Variants in ANKS1B observed in about 807,000 individuals in gnomAD.
The protein encoded by ANKS1B is ankyrin repeat and sterile alpha motif domain-containing protein 1B.
ANKS1B carries 36 observed loss-of-function variants against 148.3 expected under a neutral mutation model. That is an observed-to-expected ratio of 0.24 (90% CI 0.19 to 0.32). The LOEUF is 0.32. Among genes scored for constraint, ANKS1B ranks in the 10% least tolerant of loss-of-function variants. The pLI is 1.00. For missense variants in ANKS1B, 1,157 were observed against 1,542.6 expected, an observed-to-expected ratio of 0.75 and a Z score of 4.19; for synonymous variants, 542 against 560.8, an observed-to-expected ratio of 0.97 and a Z score of 0.47.
intron 1 of ANKS1B, among the ~76,000 whole-genome samples, chr12:99,967,678 G>A (rs2095502166): frequency 6.6e-6 from 1 of 151,790 alleles, no homozygotes; most frequent in Non-Finnish European, 1.5e-5. Context: ...GGAGGCTGAG[G>A]CGGGCGGATC....
At chr12:98,891,670 A>G (rs2099753001) in intron 17 of ANKS1B, among the ~76,000 whole-genome samples, 1 of 152,216 alleles carries the variant, frequency 6.6e-6, no homozygotes, top group Non-Finnish European at 1.5e-5. Flanking sequence ...TAAGGCAACC[A>G]AATACATATA....
Position 98,749,533 on chromosome 12 carries a change from T to C in ANKS1B, c.3747+1822A>G, listed in dbSNP as rs187700351. On this transcript the variant is annotated intron_variant, in intron 26 of 26. Transcript: ENST00000683438. ...AAGGTGACTGGGTATCTATGTCAGA[T>C]TGGGTGGTTAGGACATCCGCCTCTT... Among the ~76,000 whole-genome samples, 556 of 152,156 alleles carry C rather than the reference T, an allele frequency of 3.7e-3. 2 individuals are homozygous for C. The highest frequency in any genetic ancestry group is 0.012 in the African/African-American group (502 of 41,502).
intron 12 of ANKS1B, among the ~76,000 whole-genome samples, chr12:99,293,831 G>A (rs55674207): frequency 0.32 from 47,933 of 152,060 alleles, 8,899 homozygotes; most frequent in African/African-American, 0.52. Flanking sequence ...CTATAGGATA[G>A]AAACCTAATA....
rs2093366301 is a variant in ANKS1B, at chr12:99,375,803, G to T, written c.1756+23828C>A. 1.3e-5 allele frequency among the ~76,000 whole-genome samples: 2 copies of T among 152,084 alleles called. 1 individual carries two copies. Among genetic ancestry groups the T allele is most frequent in the Middle Eastern group, 6.3e-3 (2 of 316 alleles). ...TTGCTTTCCATACATAACTGTTGAG[G>T]AAATGTACTAACACAGACGAGATCA... On this transcript the variant is annotated intron_variant, in intron 12 of 26. Transcript: ENST00000683438.
chr12:98,964,918 A>ATTTGTT (rs1316529227), intron 17 of ANKS1B, among the ~76,000 whole-genome samples: 2 of 152,218 alleles, frequency 1.3e-5, no homozygotes, highest in East Asian at 3.8e-4. Context: ...TTGATAGCAC[A>ATTTGTT]ACAGGTTAAC....
At chr12:99,408,053 C>T (rs1252106228) in intron 11 of ANKS1B, among the ~76,000 whole-genome samples, 1 of 145,516 alleles carries the variant, frequency 6.9e-6, no homozygotes, top group Non-Finnish European at 1.5e-5. Context: ...CCATCATGAG[C>T]AAAAAGAATA....
intron 16 of ANKS1B, among the ~76,000 whole-genome samples, chr12:99,061,216 C>G (rs2042361888): frequency 6.6e-6 from 1 of 152,140 alleles, no homozygotes; most frequent in Admixed American, 6.5e-5. Context: ...GAAAGTGTTG[C>G]ATGTAACTTT....
chr12:99,209,404 C>G (rs1435702045), intron 14 of ANKS1B, among the ~76,000 whole-genome samples: 1 of 152,142 alleles, frequency 6.6e-6, no homozygotes, highest in Non-Finnish European at 1.5e-5. Context: ...TAGATTGTAG[C>G]CTCTTTAACT....
intron 15 of ANKS1B, among the ~76,000 whole-genome samples, chr12:99,152,821 G>T (rs892062211): frequency 2.2e-4 from 33 of 152,172 alleles, no homozygotes; most frequent in African/African-American, 7.9e-4. Flanking sequence ...AATAAAAAAA[G>T]ACTTCAATTC....
At chr12:99,677,839 G>A (rs2098588200) in intron 8 of ANKS1B, among the ~76,000 whole-genome samples, 1 of 152,168 alleles carries the variant, frequency 6.6e-6, no homozygotes, top group African/African-American at 2.4e-5. Flanking sequence ...CGGGCGTGGT[G>A]GCACGCGCCT....
At chr12:99,957,649 T>C (rs2095343804) in intron 1 of ANKS1B, among the ~76,000 whole-genome samples, 1 of 152,220 alleles carries the variant, frequency 6.6e-6, no homozygotes, top group African/African-American at 2.4e-5. Flanking sequence ...ACTTATTAAA[T>C]TTCTGTGGCT....
chr12:99,791,395 T>G (rs575106629), intron 4 of ANKS1B, among the ~76,000 whole-genome samples: 8 of 151,960 alleles, frequency 5.3e-5, no homozygotes, highest in Non-Finnish European at 8.8e-5. Flanking sequence ...CAGATAAACA[T>G]TGGTCTTAAT....
At chr12:98,788,272 A>G (rs889563848) in intron 22 of ANKS1B, among the ~76,000 whole-genome samples, 18 of 151,828 alleles carry the variant, frequency 1.2e-4, no homozygotes, top group African/African-American at 4.1e-4. Flanking sequence ...CAAAAAAAAA[A>G]AAAAAGATCA....
intron 1 of ANKS1B, among the ~76,000 whole-genome samples, chr12:99,902,203 G>A (rs1274386286): frequency 1.3e-5 from 2 of 152,176 alleles, no homozygotes; most frequent in Non-Finnish European, 2.9e-5. Flanking sequence ...CCTCTCTGAG[G>A]AGGTGACATT....
chr12:99,719,875 T>C (rs867319372), intron 8 of ANKS1B, among the ~76,000 whole-genome samples: 2 of 152,178 alleles, frequency 1.3e-5, no homozygotes, highest in Admixed American at 6.5e-5. Context: ...AAAAAGCAGC[T>C]AGCATTCCAA....
intron 17 of ANKS1B, among the ~76,000 whole-genome samples, chr12:98,907,327 A>T (rs1251639503): frequency 6.6e-6 from 1 of 152,172 alleles, no homozygotes; most frequent in Non-Finnish European, 1.5e-5. Flanking sequence ...GTATTTTGTA[A>T]GCAAGGTCTG....
At chr12:99,929,064 T>A (rs1366420110) in intron 1 of ANKS1B, among the ~76,000 whole-genome samples, 1 of 152,220 alleles carries the variant, frequency 6.6e-6, no homozygotes, top group Non-Finnish European at 1.5e-5. Context: ...GCAGGAAATA[T>A]TATAAGCTTC....
At position 98,882,656 on chromosome 12, in the gene ANKS1B, A is replaced by G. The variant is rs952529771; in HGVS notation, c.2779-50520T>C. On this transcript the variant is annotated intron_variant, in intron 17 of 26. Coordinates refer to ENST00000683438, the MANE Select transcript of ANKS1B (RefSeq NM_001352186.2). ...GGCATGCTTTAATATATTGGATATA[A>G]ATAATTGTCACTAAAAAATCATCTG... Among the ~76,000 whole-genome samples, 13 of 152,144 alleles carry G rather than the reference A, an allele frequency of 8.5e-5. 1 individual carries two copies. Among genetic ancestry groups the G allele is most frequent in the African/African-American group, 2.7e-4 (11 of 41,440 alleles).
intron 15 of ANKS1B, among the ~76,000 whole-genome samples, chr12:99,144,645 T>C (rs1474952496): frequency 6.6e-6 from 1 of 151,978 alleles, no homozygotes; most frequent in African/African-American, 2.4e-5. Context: ...TAACCCCTAG[T>C]AGATATGTGG....
Sources: gnomAD v4.1 joint callset for allele counts (sites outside exome capture counted in the v4.1 genomes callset) on GRCh38, gnomAD v4.1.1 for gene constraint, MANE v1.5 for transcripts, NCBI Gene and HGNC (gene_info 2026-07-23, HGNC 2026-07-21) for gene names.